MICAL3: variants seen among roughly 807,000 people sequenced by gnomAD.
The protein encoded by MICAL3 is microtubule associated monooxygenase, calponin and LIM domain containing 3, also known as [F-actin]-monooxygenase MICAL3.
In MICAL3, 62 loss-of-function variants were observed where a neutral mutation model predicts 207.4. The observed-to-expected ratio is 0.30, with a 90% CI of 0.24 to 0.37. The LOEUF is 0.37. MICAL3 is among the 10% of genes least tolerant of loss of function. The pLI, the probability that MICAL3 is intolerant of heterozygous loss-of-function variation, is 1.00. For missense variants in MICAL3, 2,368 were observed against 2,635.6 expected (o/e 0.90, Z 2.22); for synonymous variants, 1,077 against 1,069.3 (o/e 1.01, Z -0.14).
rs760567755 is a variant in MICAL3, at chr22:17,928,584, A to AAGG, written c.-74-21699_-74-21698insCCT. On this transcript the variant is annotated intron_variant, in intron 1 of 31. Transcript: ENST00000441493. ...TCACATGTGCAAGGAGCACTTAAGA[A>AAGG]ACATAAAGCCAACTTTACGTAATGC... 4.6e-5 allele frequency among the ~76,000 whole-genome samples: 7 copies of AAGG among 152,306 alleles called. No individual in the cohort carries two copies. In the East Asian group the frequency reaches 1.4e-3, roughly 29 times the overall value.
intron 3 of MICAL3, 68 bp downstream of exon 3, chr22:17,904,564 G>C (rs1478117232): frequency 3.3e-6 from 4 of 1,199,848 alleles, no homozygotes; most frequent in Non-Finnish European, 5.0e-6. Flanking sequence ...TAATCTGCCT[G>C]TCTCTTTCTA....
intron 1 of MICAL3, among the ~76,000 whole-genome samples, chr22:17,975,907 C>T (rs754480729): frequency 2.6e-5 from 4 of 152,014 alleles, no homozygotes; most frequent in African/African-American, 7.3e-5. Context: ...AAAAATTAGC[C>T]GGGCGTGGCA....
rs2146005452 is a variant in MICAL3, at chr22:17,816,851, T to C, written c.5351-67A>G. On this transcript the variant is annotated intron_variant, in intron 26 of 31. Coordinates refer to ENST00000441493, the MANE Select transcript of MICAL3 (RefSeq NM_015241.3). The stretch of plus-strand genomic sequence containing the variant: ...CAGGCGCAGCCCTCTCCTGCTCCTA[T>C]GCTCCCATGTGCAGCCAAGGAGGCC... 2.6e-6 allele frequency: 3 copies of C among 1,155,214 alleles called. No individual in the cohort carries two copies. In the East Asian group the frequency reaches 7.8e-5, roughly 30 times the overall value. The allele number at this position is 1,155,214 out of a possible 1,614,324, so 71.6% of individuals were successfully genotyped here. A position where few individuals can be genotyped will look rare whatever the true frequency, so the allele number is the denominator to read the frequency against.
At chr22:17,795,165 G>A (rs545655542) in intron 29 of MICAL3, among the ~76,000 whole-genome samples, 1 of 152,242 alleles carries the variant, frequency 6.6e-6, no homozygotes, top group South Asian at 2.1e-4. Context: ...AATGCTGAGT[G>A]TACCCAATGT....
At chr22:17,954,331 G>C (rs756493777) in intron 1 of MICAL3, among the ~76,000 whole-genome samples, 2 of 152,176 alleles carry the variant, frequency 1.3e-5, no homozygotes, top group Non-Finnish European at 2.9e-5. Flanking sequence ...GGACAAGTGG[G>C]AATTCAGAGC....
intron 1 of MICAL3, among the ~76,000 whole-genome samples, chr22:17,922,250 G>A (rs756994056): frequency 2.6e-5 from 4 of 152,112 alleles, no homozygotes; most frequent in Non-Finnish European, 5.9e-5. Context: ...AGGAATTCAC[G>A]TTCATGTTTG....
intron 1 of MICAL3, among the ~76,000 whole-genome samples, chr22:17,932,801 A>T (rs1206385251): frequency 6.6e-6 from 1 of 152,238 alleles, no homozygotes; most frequent in East Asian, 1.9e-4. Flanking sequence ...GGAAAACAAA[A>T]AAAAGCAGAG....
intron 1 of MICAL3, among the ~76,000 whole-genome samples, chr22:17,981,128 T>C (rs1442538902): frequency 2.6e-5 from 4 of 152,230 alleles, no homozygotes; most frequent in African/African-American, 9.6e-5. Flanking sequence ...ATAAAAGATA[T>C]GCAGCACACA....
At chr22:17,993,067 T>A (rs1444949201) in intron 1 of MICAL3, among the ~76,000 whole-genome samples, 3 of 152,202 alleles carry the variant, frequency 2.0e-5, no homozygotes, top group Non-Finnish European at 4.4e-5. Context: ...AAGGGTGGTT[T>A]TGAGAAAGCC....
chr22:17,812,573 C>T (rs1052531978), intron 27 of MICAL3: 1 of 980,868 alleles, frequency 1.0e-6, no homozygotes, highest in Non-Finnish European at 1.2e-6. Flanking sequence ...AAGCGGATGG[C>T]ATCAGAAAAC....
intron 29 of MICAL3, among the ~76,000 whole-genome samples, chr22:17,800,207 T>G (rs2061923550): frequency 1.3e-5 from 2 of 152,194 alleles, no homozygotes; most frequent in African/African-American, 4.8e-5. Flanking sequence ...AAACCTTTTG[T>G]GTTCTTTAAA....
chr22:17,894,116 A>T (rs1014254912), intron 10 of MICAL3, among the ~76,000 whole-genome samples: 6 of 152,148 alleles, frequency 3.9e-5, no homozygotes, highest in African/African-American at 1.2e-4. Context: ...TTGTGCTAGA[A>T]ATCAGCTACA....
chr22:17,792,920 G>A (rs974328207), intron 29 of MICAL3, among the ~76,000 whole-genome samples: 17 of 152,208 alleles, frequency 1.1e-4, no homozygotes, highest in African/African-American at 3.6e-4. Context: ...CTTTCGGAGC[G>A]TCTCTGCACA....
chr22:17,855,694 T>G (rs1350884560), intron 19 of MICAL3, among the ~76,000 whole-genome samples: 2 of 152,240 alleles, frequency 1.3e-5, no homozygotes, highest in Admixed American at 6.5e-5. Flanking sequence ...CTTTAATGAC[T>G]TCCCCCATTG....
chr22:17,949,071 A>G (rs1385537136), intron 1 of MICAL3, among the ~76,000 whole-genome samples: 1 of 149,284 alleles, frequency 6.7e-6, no homozygotes, highest in Admixed American at 6.7e-5. Flanking sequence ...TTAGCCATAC[A>G]TGGTGGCATG....
intron 1 of MICAL3, among the ~76,000 whole-genome samples, chr22:17,956,881 A>G (rs1934640434): frequency 6.6e-6 from 1 of 152,214 alleles, no homozygotes; most frequent in Non-Finnish European, 1.5e-5. Context: ...CAATCTTACT[A>G]GAGCCAGTGA....
Position 18,019,745 on chromosome 22 carries a change from G to A in MICAL3, c.-75+4536C>T, listed in dbSNP as rs192518909. On this transcript the variant is annotated intron_variant, in intron 1 of 31. Coordinates refer to ENST00000441493, the MANE Select transcript of MICAL3 (RefSeq NM_015241.3). ...AAAAAGGGTGATCAGGGAAGCTTTGGCAGAATCTTGGAATGCGGCTTTTTT... is the reference window on the plus strand; with the variant it reads ...AAAAAGGGTGATCAGGGAAGCTTTGACAGAATCTTGGAATGCGGCTTTTTT... The A allele has an allele frequency of 1.2e-4, 26 of 222,848 alleles. 1 individual carries two copies. The East Asian group carries it at 3.0e-3, about 26-fold the overall frequency. 13.8% of individuals were successfully genotyped at this position (222,848 alleles called of 1,614,324 possible).
chr22:17,977,434 C>CA (rs1045961156), intron 1 of MICAL3, among the ~76,000 whole-genome samples: 1 of 151,722 alleles, frequency 6.6e-6, no homozygotes, highest in African/African-American at 2.4e-5. Flanking sequence ...AGAAAGACGC[C>CA]AATAAGCACA....
chr22:17,837,439 C>T (rs868562945), intron 20 of MICAL3, among the ~76,000 whole-genome samples: 6 of 152,250 alleles, frequency 3.9e-5, no homozygotes, highest in South Asian at 2.1e-4. Flanking sequence ...CTCTCTAGAG[C>T]CAAGAATGTG....
Sources: allele counts gnomAD v4.1 joint callset (sites outside exome capture counted in the v4.1 genomes callset), GRCh38; gene constraint gnomAD v4.1.1; transcripts MANE v1.5; gene names NCBI Gene and HGNC (gene_info 2026-07-23, HGNC 2026-07-21).